CBFA2T3: variants seen among roughly 807,000 people sequenced by gnomAD.
The protein encoded by CBFA2T3 is CBFA2/RUNX1 partner transcriptional co-repressor 3, also known as transcriptional corepressor CBFA2T3.
Under a neutral mutation model 58.6 loss-of-function variants are expected in CBFA2T3, and 31 were observed. That is an observed-to-expected ratio of 0.53 (90% CI 0.40 to 0.71). The LOEUF (loss-of-function observed/expected upper bound fraction) is 0.71, where lower values mean the gene tolerates loss of function less well. Ranked by LOEUF, CBFA2T3 falls within the 30% of genes least tolerant of loss-of-function variation. CBFA2T3 has a pLI of 0.00. For missense variants in CBFA2T3, 1,076 were observed against 963.1 expected, an observed-to-expected ratio of 1.12 and a Z score of -1.55; for synonymous variants, 531 against 421.9, an observed-to-expected ratio of 1.26 and a Z score of -3.17.
intron 1 of CBFA2T3, among the ~76,000 whole-genome samples, chr16:88,916,103 GGT>G (rs551947385): frequency 2.0e-3 from 298 of 151,284 alleles, no homozygotes; most frequent in South Asian, 4.4e-3. Flanking sequence ...TGTGTGCATG[GGT>G]GTGTGTCCGT....
At chr16:88,886,282 T>G in intron 5 of CBFA2T3, 140 bp from the exon 6 acceptor site, 6 of 421,730 alleles carry the variant, frequency 1.4e-5, no homozygotes, top group Non-Finnish European at 8.1e-6. Flanking sequence ...TCGACCTCTC[T>G]GGGCCTCAAG....
intron 7 of CBFA2T3, chr16:88,884,703 G>C (rs187118938): frequency 1.7e-5 from 4 of 237,626 alleles, no homozygotes; most frequent in Non-Finnish European, 3.3e-5. Flanking sequence ...TGGGACTCTC[G>C]TCTGGCCCAG....
At chr16:88,933,248 G>A (rs754250034) in intron 1 of CBFA2T3, among the ~76,000 whole-genome samples, 35 of 152,182 alleles carry the variant, frequency 2.3e-4, no homozygotes, top group Non-Finnish European at 4.6e-4. Flanking sequence ...CAGGGTCCCA[G>A]ACTGCACGCC....
At position 88,880,724 on chromosome 16, in the gene CBFA2T3, C is replaced by G; in HGVS notation, c.1467G>C (p.Lys489Asn). The G allele has an allele frequency of 6.4e-7, 1 of 1,567,350 alleles. No individual in the cohort carries two copies. Among genetic ancestry groups the G allele is most frequent in the Non-Finnish European group, 8.7e-7 (1 of 1,155,624 alleles). ...GGCCCCTGCACCCCCACTCACCAGC[C>G]TTCCTCCAGATGTCCTCAGGCACGT... ...TGYVPEDIWRKAEEAVNEVKR... is the reference protein window; with the variant it reads ...TGYVPEDIWRNAEEAVNEVKR... The change falls in exon 10 of 12, where the codon AAG (lysine) becomes AAC (asparagine). Residue 489 changes from lysine (K) to asparagine (N), a missense_variant. Transcript: ENST00000268679.
In CBFA2T3 at chr16:88,923,686, C is replaced by T. The variant is rs188586697; in HGVS notation, c.152-22030G>A. 1.7e-3 allele frequency among the ~76,000 whole-genome samples: 257 copies of T among 152,314 alleles called. 1 individual carries two copies. Among genetic ancestry groups the T allele is most frequent in the African/African-American group, 6.0e-3 (249 of 41,580 alleles). On this transcript the variant is annotated intron_variant, in intron 1 of 11. Coordinates refer to ENST00000268679, the MANE Select transcript of CBFA2T3 (RefSeq NM_005187.6). The stretch of plus-strand genomic sequence containing the variant: ...GCCAAGCTGCGCATCCTCCGCAACC[C>T]GGCTCACACATGTCGCTCCTGCTGT...
At chr16:88,949,679 G>T (rs1028500411) in intron 1 of CBFA2T3, among the ~76,000 whole-genome samples, 1 of 151,886 alleles carries the variant, frequency 6.6e-6, no homozygotes, top group Non-Finnish European at 1.5e-5. Context: ...TCAAAATAAC[G>T]CTCAACAAAC....
At chr16:88,968,322 T>C (rs981858821) in intron 1 of CBFA2T3, among the ~76,000 whole-genome samples, 1 of 152,220 alleles carries the variant, frequency 6.6e-6, no homozygotes, top group Non-Finnish European at 1.5e-5. Flanking sequence ...AGCGGCTGCC[T>C]GCTGTCTCCC....
At chr16:88,894,554 A>G (rs1027085881) in intron 3 of CBFA2T3, among the ~76,000 whole-genome samples, 5 of 139,592 alleles carry the variant, frequency 3.6e-5, no homozygotes, top group Non-Finnish European at 6.1e-5. Context: ...ATGTACACAC[A>G]TGCACACACA....
chr16:88,875,946 C>A lies in CBFA2T3; in HGVS notation c.*1030G>T, dbSNP rs938909009. ...GGACCACGCACACGCGGCGGACGCACCAACGCCTACGCAGAAGAGAACAAA... is the reference window on the plus strand; with the variant it reads ...GGACCACGCACACGCGGCGGACGCAACAACGCCTACGCAGAAGAGAACAAA... On this transcript the variant is annotated 3_prime_UTR_variant, in exon 12 of 12. Coordinates refer to ENST00000268679, the MANE Select transcript of CBFA2T3 (RefSeq NM_005187.6). 4.3e-6 allele frequency: 1 copy of A among 233,164 alleles called. No individual in the cohort carries two copies. The allele number at this position is 233,164 out of a possible 1,614,324, so 14.4% of individuals were successfully genotyped here.
In CBFA2T3 at chr16:88,926,086, C is replaced by T. The variant is rs540675331; in HGVS notation, c.152-24430G>A. On this transcript the variant is annotated intron_variant, in intron 1 of 11. Transcript: ENST00000268679. ...CAGGGAGCACTTGGTGGGCGCTGGG[C>T]GGTCTCACGTTCCCCACCTGTGAAA... is the stretch of plus-strand genomic sequence containing the variant. Among the ~76,000 whole-genome samples, 92 of 152,266 alleles carry T rather than the reference C, an allele frequency of 6.0e-4. 2 individuals are homozygous for T. The highest frequency in any genetic ancestry group is 5.8e-3 in the Admixed American group (89 of 15,306).
At chr16:88,928,821 G>A (rs1273837067) in intron 1 of CBFA2T3, among the ~76,000 whole-genome samples, 1 of 152,260 alleles carries the variant, frequency 6.6e-6, no homozygotes, top group Non-Finnish European at 1.5e-5. Flanking sequence ...CCACTGAAAA[G>A]GTGCCATCTG....
chr16:88,959,700 A>G (rs776606591), intron 1 of CBFA2T3, among the ~76,000 whole-genome samples: 2 of 152,208 alleles, frequency 1.3e-5, no homozygotes, highest in Non-Finnish European at 2.9e-5. Context: ...AAACGGGAGC[A>G]GGGCAGAGAC....
At chr16:88,942,233 A>T (rs1461954950) in intron 1 of CBFA2T3, among the ~76,000 whole-genome samples, 1 of 151,674 alleles carries the variant, frequency 6.6e-6, no homozygotes, top group Non-Finnish European at 1.5e-5. Flanking sequence ...TGTCTGGCGC[A>T]TTTGCCTGCT....
intron 1 of CBFA2T3, among the ~76,000 whole-genome samples, chr16:88,908,729 C>A (rs76601811): frequency 6.6e-6 from 1 of 152,332 alleles, no homozygotes; most frequent in Admixed American, 6.5e-5. Flanking sequence ...GAGTAACAAG[C>A]CCTGCTTCCG....
intron 1 of CBFA2T3, among the ~76,000 whole-genome samples, chr16:88,942,037 A>G (rs1441692260): frequency 2.0e-5 from 3 of 151,964 alleles, no homozygotes; most frequent in African/African-American, 7.2e-5. Flanking sequence ...TCCGATGCGA[A>G]GCCCTCGCTT....
At chr16:88,940,150 C>T (rs1386302353) in intron 1 of CBFA2T3, 1 of 154,244 alleles carries the variant, frequency 6.5e-6, no homozygotes, top group African/African-American at 2.4e-5. Context: ...TCTTCCTGGG[C>T]CCTGGAATGG....
intron 1 of CBFA2T3, among the ~76,000 whole-genome samples, chr16:88,969,884 C>A (rs1020408244): frequency 5.3e-5 from 8 of 152,162 alleles, no homozygotes; most frequent in African/African-American, 2.4e-5. Flanking sequence ...GTGGGTTCAC[C>A]CCATCCCCCT....
chr16:88,951,419 T>C, intron 1 of CBFA2T3: 1 of 427,738 alleles, frequency 2.3e-6, no homozygotes, highest in Non-Finnish European at 4.8e-6. Context: ...AGCTGCGTCT[T>C]ATTTTATTTT....
chr16:88,906,080 C>G (rs1294461991), intron 1 of CBFA2T3, among the ~76,000 whole-genome samples: 1 of 152,090 alleles, frequency 6.6e-6, no homozygotes, highest in Non-Finnish European at 1.5e-5. Context: ...GTCCAGCACT[C>G]TCCGCCATCA....
Sources: allele counts gnomAD v4.1 joint callset (sites outside exome capture counted in the v4.1 genomes callset), GRCh38; gene constraint gnomAD v4.1.1; transcripts MANE v1.5; gene names NCBI Gene and HGNC (gene_info 2026-07-23, HGNC 2026-07-21).